The following HS6ST2 variants were observed in gnomAD, a reference collection of about 807,000 sequenced individuals.
The protein encoded by HS6ST2 is heparan sulfate 6-O-sulfotransferase 2, also known as heparan-sulfate 6-O-sulfotransferase 2.
In HS6ST2, 17 loss-of-function variants were observed where a neutral mutation model predicts 33.0. That is an observed-to-expected ratio of 0.52 (90% CI 0.35 to 0.77). The LOEUF (loss-of-function observed/expected upper bound fraction) is 0.77. Ranked by LOEUF, HS6ST2 falls within the 30% of genes least tolerant of loss-of-function variation. The pLI is 0.01. For missense variants in HS6ST2, 519 were observed against 551.7 expected (o/e 0.94, Z 0.59); for synonymous variants, 248 against 237.1 (o/e 1.05, Z -0.42).
chrX:132,865,356 T>C (rs1187652143), intron 2 of HS6ST2, among the ~76,000 whole-genome samples: 1 of 111,020 alleles, frequency 9.0e-6, no homozygotes, highest in African/African-American at 3.3e-5. Context: ...ATGTGCCACA[T>C]TTTCTTTATC....
At chrX:132,837,511 G>A (rs190677461) in intron 2 of HS6ST2, among the ~76,000 whole-genome samples, 175 of 111,776 alleles carry the variant, frequency 1.6e-3, no homozygotes, top group Non-Finnish European at 1.8e-3. Context: ...GCAGAATGCA[G>A]AAAGCCTGGC....
chrX:132,686,456 C>T lies in HS6ST2; in HGVS notation c.981-17257G>A, dbSNP rs2064016585. Among the ~76,000 whole-genome samples the T allele has an allele frequency of 3.6e-5, 4 of 111,774 alleles. No individual in the cohort carries two copies. The South Asian group carries it at 1.5e-3, about 43-fold the overall frequency. On this transcript the variant is annotated intron_variant, in intron 3 of 4. Coordinates refer to ENST00000370833, the MANE Select transcript of HS6ST2 (RefSeq NM_001394073.1). The stretch of plus-strand genomic sequence containing the variant: ...TGGCATTCTGACATCACTTGCTTGG[C>T]TCTGCTTGTCTGTGGAGTCAGAAAA...
At chrX:132,832,464 C>A (rs1261737355) in intron 2 of HS6ST2, among the ~76,000 whole-genome samples, 2 of 111,612 alleles carry the variant, frequency 1.8e-5, no homozygotes, top group Admixed American at 1.9e-4. Context: ...GATATTTAAT[C>A]CAGAGTACAC....
intron 4 of HS6ST2, among the ~76,000 whole-genome samples, chrX:132,643,675 A>T (rs2063618917): frequency 9.0e-6 from 1 of 111,483 alleles, no homozygotes; most frequent in Non-Finnish European, 1.9e-5. Context: ...ACTTTCCTGA[A>T]TATCACCCTT....
intron 3 of HS6ST2, among the ~76,000 whole-genome samples, chrX:132,693,039 T>C (rs969497161): frequency 8.9e-6 from 1 of 111,954 alleles, no homozygotes; most frequent in Non-Finnish European, 1.9e-5. Context: ...GGGTATGAAA[T>C]GACCTCCTCC....
chrX:132,855,305 T>G (rs1439160152), intron 2 of HS6ST2, among the ~76,000 whole-genome samples: 2 of 112,427 alleles, frequency 1.8e-5, no homozygotes, highest in East Asian at 5.6e-4. Flanking sequence ...TAGTCTCATT[T>G]TATTCTCACC....
At chrX:132,798,552 T>C (rs1262704468) in intron 2 of HS6ST2, among the ~76,000 whole-genome samples, 1 of 112,020 alleles carries the variant, frequency 8.9e-6, no homozygotes, top group Non-Finnish European at 1.9e-5. Context: ...TATTGTCCTA[T>C]TTGTGCTATT....
chrX:132,927,377 A>T (rs2066719938), intron 2 of HS6ST2, among the ~76,000 whole-genome samples: 1 of 111,139 alleles, frequency 9.0e-6, no homozygotes, highest in African/African-American at 3.3e-5. Flanking sequence ...AACACAAATC[A>T]AATTAAATGA....
At chrX:132,730,921 C>A (rs2064450914) in intron 2 of HS6ST2, among the ~76,000 whole-genome samples, 1 of 111,834 alleles carries the variant, frequency 8.9e-6, no homozygotes, top group South Asian at 3.8e-4. Context: ...AACACACAGA[C>A]CTGCAGAGCC....
At chrX:132,845,262 T>C (rs901940066) in intron 2 of HS6ST2, among the ~76,000 whole-genome samples, 4 of 109,990 alleles carry the variant, frequency 3.6e-5, no homozygotes. Context: ...ATTCTCTCAA[T>C]GTCAATGTCA....
chrX:132,894,377 G>A (rs191016864), intron 2 of HS6ST2, among the ~76,000 whole-genome samples: 1 of 109,957 alleles, frequency 9.1e-6, no homozygotes, highest in East Asian at 2.9e-4. Context: ...CTGACGTCAG[G>A]TGATCCACCC....
At chrX:132,909,994 G>A (rs1228857785) in intron 2 of HS6ST2, among the ~76,000 whole-genome samples, 1 of 110,191 alleles carries the variant, frequency 9.1e-6, no homozygotes, top group Non-Finnish European at 1.9e-5. Flanking sequence ...GACATCAGAC[G>A]CCCGCACCCA....
chrX:132,675,405 T>C (rs746300898), intron 3 of HS6ST2, among the ~76,000 whole-genome samples: 4 of 112,050 alleles, frequency 3.6e-5, no homozygotes, highest in Non-Finnish European at 7.5e-5. Context: ...CAAAGACTTG[T>C]ATGCCAGAGG....
chrX:132,670,344 T>A (rs771543218), intron 3 of HS6ST2, among the ~76,000 whole-genome samples: 1 of 111,690 alleles, frequency 9.0e-6, no homozygotes, highest in East Asian at 2.8e-4. Context: ...CAAAAGATAT[T>A]CTGCCATGCA....
chrX:132,894,224 C>G (rs1233393677), intron 2 of HS6ST2, among the ~76,000 whole-genome samples: 2 of 108,612 alleles, frequency 1.8e-5, no homozygotes, highest in Non-Finnish European at 3.8e-5. Context: ...TCACTGCAAC[C>G]TCTACCTCCT....
At position 132,703,051 on chromosome X, in the gene HS6ST2, T is replaced by C. The variant is rs1008182; in HGVS notation, c.980+5411A>G. Among the ~76,000 whole-genome samples the C allele has an allele frequency of 7.1e-3, 799 of 112,457 alleles. 8 individuals carry two copies. The highest frequency in any genetic ancestry group is 0.024 in the African/African-American group (733 of 30,989). ...CCTCCAGTGAGAATAACAGAATGTC[T>C]CTAACTCACGCAAGGCAAAGGAAAT... On this transcript the variant is annotated intron_variant, in intron 3 of 4. Transcript: ENST00000370833.
At chrX:132,872,561 C>A (rs2066072281) in intron 2 of HS6ST2, among the ~76,000 whole-genome samples, 1 of 112,011 alleles carries the variant, frequency 8.9e-6, no homozygotes, top group Non-Finnish European at 1.9e-5. Context: ...TCAAGTGCTT[C>A]TGTAGTATTT....
chrX:132,686,745 C>A (rs967531753), intron 3 of HS6ST2, among the ~76,000 whole-genome samples: 1 of 111,486 alleles, frequency 9.0e-6, no homozygotes, highest in African/African-American at 3.3e-5. Context: ...TGGGAAATGG[C>A]AGAGTACAAT....
intron 4 of HS6ST2, among the ~76,000 whole-genome samples, chrX:132,660,062 C>A (rs763805426): frequency 9.0e-6 from 1 of 111,004 alleles, no homozygotes; most frequent in Non-Finnish European, 1.9e-5. Flanking sequence ...TTCCTTATAC[C>A]TCTCCCCTGC....
Sources: allele counts gnomAD v4.1 joint callset (sites outside exome capture counted in the v4.1 genomes callset), GRCh38; gene constraint gnomAD v4.1.1; transcripts MANE v1.5; gene names NCBI Gene and HGNC (gene_info 2026-07-23, HGNC 2026-07-21).